The following CAPG variants were observed in gnomAD, a reference collection of about 807,000 sequenced individuals.
CAPG encodes macrophage-capping protein.
Under a neutral mutation model 44.6 loss-of-function variants are expected in CAPG, and 32 were observed. The ratio of observed to expected loss-of-function variants is 0.72; its 90% CI spans 0.54 to 0.96. The LOEUF is 0.96. CAPG is among the 50% of genes least tolerant of loss of function. CAPG has a pLI of 0.00. For synonymous variants in CAPG, 175 were observed against 179.6 expected (o/e 0.97, Z 0.20); for missense variants, 412 against 438.3 (o/e 0.94, Z 0.54).
At chr2:85,394,531 G>A (rs999392444), downstream of CAPG, among the ~76,000 whole-genome samples, 1 of 152,230 alleles carries the variant, frequency 6.6e-6, no homozygotes, top group Admixed American at 6.5e-5. Context: ...AGACTGAACT[G>A]AACACCCGGA....
chr2:85,409,467 G>A (rs1687319873), intron 1 of CAPG, among the ~76,000 whole-genome samples: 1 of 152,058 alleles, frequency 6.6e-6, no homozygotes, highest in Non-Finnish European at 1.5e-5. Flanking sequence ...AATCCTGCCG[G>A]GGTCCAGTGG....
At chr2:85,411,618 T>C (rs1306205640), upstream of CAPG, among the ~76,000 whole-genome samples, 2 of 152,218 alleles carry the variant, frequency 1.3e-5, no homozygotes, top group Non-Finnish European at 2.9e-5. Flanking sequence ...TGGAAAGGTA[T>C]TGGTCAGCAG....
At position 85,395,957 on chromosome 2, in the gene CAPG, C is replaced by A. The variant is rs1357241125; in HGVS notation, c.893-331G>T. The A allele has an allele frequency of 3.5e-6, 1 of 286,912 alleles. No homozygotes were observed. Among genetic ancestry groups the A allele is most frequent in the East Asian group, 7.3e-5 (1 of 13,682 alleles). The allele number at this position is 286,912 out of a possible 1,614,324, so 17.8% of individuals were successfully genotyped here. On this transcript the variant is annotated intron_variant, in intron 8 of 9. Coordinates refer to ENST00000263867, the MANE Select transcript of CAPG (RefSeq NM_001747.4). This position sits in a 1 kb window ranked among gnomAD's most constrained non-coding sequence, Gnocchi z 4.3. ...CATCAGACTGTGAGGCCGCAGGTCTCCTTTTCCTCTAGGACCCCTCACCTC... is the reference window on the plus strand; with the variant it reads ...CATCAGACTGTGAGGCCGCAGGTCTACTTTTCCTCTAGGACCCCTCACCTC...
chr2:85,398,260 T>C, intron 7 of CAPG, 108 bp from the exon 8 acceptor site: 1 of 1,276,716 alleles, frequency 7.8e-7, no homozygotes, highest in Non-Finnish European at 1.1e-6. Flanking sequence ...TGTGCCTCGC[T>C]GCCCACTGCC....
chr2:85,398,540 C>T, intron 7 of CAPG, 150 bp downstream of exon 7: 1 of 672,444 alleles, frequency 1.5e-6, no homozygotes, highest in Non-Finnish European at 2.6e-6. Context: ...TTGTCTCACT[C>T]CCAGCCCTGT....
In CAPG at chr2:85,401,863, C is replaced by T. The variant is rs567151587; in HGVS notation, c.118G>A (p.Gly40Ser). ...TAGGAGTCCCCCGAGAAGAAGACGC[C>T]CTGGTTCTCTTGCGCCACAGGCACC... Reference protein sequence around the residue: ...KPVPVAQENQGVFFSGDSYLV... With the variant: ...KPVPVAQENQSVFFSGDSYLV... The change falls in exon 3 of 10, where the codon GGC (glycine) becomes AGC (serine). Residue 40 changes from glycine to serine, a missense_variant. Transcript: ENST00000263867. 2 of 1,614,132 alleles carry T rather than the reference C, an allele frequency of 1.2e-6. No individual in the cohort carries two copies. The highest frequency in any genetic ancestry group is 8.5e-7 in the Non-Finnish European group (1 of 1,180,002).
In CAPG at chr2:85,401,333, C is replaced by T. The variant is rs752480799; in HGVS notation, c.352-4G>A. ...ATGCTGACTCCACACCACCTTCCTGCAGCCCAGACGGCCCATCTGAGTGGA... is the reference window on the plus strand; with the variant it reads ...ATGCTGACTCCACACCACCTTCCTGTAGCCCAGACGGCCCATCTGAGTGGA... On this transcript the variant is annotated splice_polypyrimidine_tract_variant and splice_region_variant and intron_variant, in intron 4 of 9. Coordinates refer to ENST00000263867, the MANE Select transcript of CAPG (RefSeq NM_001747.4). 8 of 1,613,196 alleles carry T rather than the reference C, an allele frequency of 5.0e-6. No homozygotes were observed. The East Asian group carries it at 1.6e-4, about 31-fold the overall frequency.
At chr2:85,392,880 C>G (rs188033044), downstream of CAPG, among the ~76,000 whole-genome samples, 26 of 152,152 alleles carry the variant, frequency 1.7e-4, no homozygotes, top group East Asian at 5.0e-3. Context: ...TCCTTTCTGC[C>G]CACCATCCAC....
chr2:85,399,136 C>T lies in CAPG; in HGVS notation c.666G>A (p.Gln222=). The T allele has an allele frequency of 1.2e-6, 2 of 1,613,638 alleles. No homozygotes were observed. Among genetic ancestry groups the T allele is most frequent in the Non-Finnish European group, 8.5e-7 (1 of 1,179,558 alleles). The change falls in exon 6 of 10, where the codon CAG becomes CAA. Residue 222 remains glutamine (Q), a splice_region_variant and synonymous_variant. Transcript: ENST00000263867. The part of the protein sequence containing the change: ...TDGEEPAEMI[Q]VLGPKPALKE... ...GCCACCCACTCCAATGTCCCCCAAC[C>T]TGGATCATCTCAGCAGGCTCCTCCC...
In CAPG at chr2:85,398,137, C is replaced by T. The variant is rs762606647; in HGVS notation, c.775G>A (p.Gly259Arg). Residue 259 changes from glycine to arginine, a missense_variant, in exon 8 of 10, where the codon GGA becomes AGA. Gly to Arg is a moderately radical substitution (Grantham distance 125). Coordinates refer to ENST00000263867, the MANE Select transcript of CAPG (RefSeq NM_001747.4). ...AALYKVSDAT[G>R]QMNLTKVADS... ...GCCACCTTGGTCAGGTTCATCTGTC[C>T]AGTGGCATCAGAGACCTGGGGAGGA... 4 of 1,613,664 alleles carry T rather than the reference C, an allele frequency of 2.5e-6. No individual in the cohort carries two copies. Among genetic ancestry groups the T allele is most frequent in the Non-Finnish European group, 3.4e-6 (4 of 1,179,926 alleles).
At chr2:85,402,069 C>A in intron 2 of CAPG, 54 bp downstream of exon 2, 1 of 1,609,970 alleles carries the variant, frequency 6.2e-7, no homozygotes, top group Admixed American at 1.7e-5. Flanking sequence ...GGAGGGGCAG[C>A]CCTTGGAGGT....
intron 4 of CAPG, 39 bp from the exon 5 acceptor site, chr2:85,401,368 G>C (rs768706451): frequency 6.2e-7 from 1 of 1,603,994 alleles, no homozygotes; most frequent in South Asian, 1.1e-5. Context: ...ACTGACAGGA[G>C]ACCCAGAGCC....
chr2:85,399,746 T>C (rs942878347), intron 5 of CAPG, among the ~76,000 whole-genome samples: 14 of 149,630 alleles, frequency 9.4e-5, no homozygotes, highest in Admixed American at 6.6e-5. Context: ...TTTTCTTTTT[T>C]TTTTTTTTTT....
intron 7 of CAPG, 181 bp from the exon 8 acceptor site, chr2:85,398,333 C>T (rs1162681408): frequency 1.7e-5 from 11 of 662,130 alleles, no homozygotes; most frequent in Admixed American, 6.0e-5. Context: ...AGCCCCACTC[C>T]CTCTCATCAC....
intron 1 of CAPG, among the ~76,000 whole-genome samples, chr2:85,403,372 G>A (rs148989881): frequency 1.6e-4 from 24 of 151,970 alleles, no homozygotes; most frequent in Admixed American, 3.9e-4. Flanking sequence ...TCGTTCCCCC[G>A]CCAAAAAACC....
upstream of CAPG, among the ~76,000 whole-genome samples, chr2:85,414,256 C>T (rs747673014): frequency 5.6e-4 from 85 of 152,332 alleles, no homozygotes; most frequent in Non-Finnish European, 1.0e-3. Context: ...GTTAGGCCCC[C>T]GGCCTCAATC....
upstream of CAPG, among the ~76,000 whole-genome samples, chr2:85,411,362 C>T (rs1424363775): frequency 6.6e-6 from 1 of 152,220 alleles, no homozygotes; most frequent in Non-Finnish European, 1.5e-5. Flanking sequence ...ATCACAGTCA[C>T]TAGACCCTAG....
upstream of CAPG, chr2:85,418,961 TG>T (rs1439014102): frequency 6.6e-6 from 1 of 151,906 alleles, no homozygotes. Context: ...AGATGGTGGG[TG>T]GGGGGTTGGG....
chr2:85,411,121 GC>G (rs1424956009), upstream of CAPG, among the ~76,000 whole-genome samples: 1 of 152,170 alleles, frequency 6.6e-6, no homozygotes, highest in Non-Finnish European at 1.5e-5. Flanking sequence ...CTCCCAAAGT[GC>G]TGGGATTACA....
Sources: allele counts gnomAD v4.1 joint callset (sites outside exome capture counted in the v4.1 genomes callset), GRCh38; gene constraint gnomAD v4.1.1; non-coding constraint Gnocchi (gnomAD v3.1); transcripts MANE v1.5; gene names NCBI Gene and HGNC (gene_info 2026-07-23, HGNC 2026-07-21).